Variants in NCALD observed in about 807,000 individuals in gnomAD.
NCALD encodes neurocalcin delta, also known as neurocalcin-delta.
Under a neutral mutation model 18.6 loss-of-function variants are expected in NCALD, and 10 were observed. The ratio of observed to expected loss-of-function variants is 0.54; its 90% CI spans 0.33 to 0.91. NCALD has a LOEUF of 0.91. Ranked by LOEUF, NCALD falls within the 40% of genes least tolerant of loss-of-function variation. The pLI is 0.03. For synonymous variants in NCALD, 88 were observed against 87.4 expected (o/e 1.01, Z -0.04); for missense variants, 184 against 247.6 (o/e 0.74, Z 1.72).
At chr8:102,080,385 C>T (rs1824487470) in intron 1 of NCALD, among the ~76,000 whole-genome samples, 1 of 152,180 alleles carries the variant, frequency 6.6e-6, no homozygotes, top group Non-Finnish European at 1.5e-5. Context: ...CACGGCACAC[C>T]ACATTTTTTC....
chr8:102,071,172 T>A (rs912763390), intron 1 of NCALD, among the ~76,000 whole-genome samples: 1 of 151,988 alleles, frequency 6.6e-6, no homozygotes, highest in Admixed American at 6.6e-5. Context: ...TAACATAACA[T>A]CAGTGTAGGA....
In NCALD at chr8:101,888,550, T is replaced by C. The variant is rs187387639; in HGVS notation, c.-106-1323A>G. Among the ~76,000 whole-genome samples the C allele has an allele frequency of 3.3e-5, 5 of 152,070 alleles. No individual in the cohort carries two copies. The East Asian group carries it at 9.7e-4, about 30-fold the overall frequency. ...CTCCTGCCTCAGCCTCCAGAACAGC[T>C]GGGACTGCAGGGATGCCCCAACATG... On this transcript the variant is annotated intron_variant, in intron 3 of 6. Transcript: ENST00000311028.
At chr8:101,886,766 C>A (rs1287826562) in intron 4 of NCALD, among the ~76,000 whole-genome samples, 4 of 152,130 alleles carry the variant, frequency 2.6e-5, no homozygotes, top group Non-Finnish European at 5.9e-5. Context: ...CTAAATGAGT[C>A]CATTTGGAAA....
intron 2 of NCALD, among the ~76,000 whole-genome samples, chr8:101,709,696 T>TC (rs1375173964): frequency 9.9e-5 from 15 of 152,164 alleles, no homozygotes; most frequent in Non-Finnish European, 2.1e-4. Flanking sequence ...GTTGATCCCT[T>TC]CCTCAGACAC....
chr8:102,103,573 G>A (rs1825356216), intron 1 of NCALD, among the ~76,000 whole-genome samples: 1 of 151,400 alleles, frequency 6.6e-6, no homozygotes, highest in African/African-American at 2.4e-5. Flanking sequence ...TCTTTTTTTT[G>A]AGACATGGTC....
intron 4 of NCALD, among the ~76,000 whole-genome samples, chr8:101,865,948 G>A (rs1303011021): frequency 6.6e-6 from 1 of 152,154 alleles, no homozygotes; most frequent in Non-Finnish European, 1.5e-5. Flanking sequence ...CTCTTCAGAC[G>A]TATTCAAAAG....
chr8:101,881,538 T>C (rs1816494690), intron 4 of NCALD, among the ~76,000 whole-genome samples: 1 of 152,224 alleles, frequency 6.6e-6, no homozygotes, highest in African/African-American at 2.4e-5. Flanking sequence ...ATTGATTTCA[T>C]TAAATGTGCC....
chr8:101,885,336 C>T (rs1391033363), intron 4 of NCALD, among the ~76,000 whole-genome samples: 1 of 152,232 alleles, frequency 6.6e-6, no homozygotes. Flanking sequence ...GCAATTTTTA[C>T]TAAATTGTCT....
chr8:101,958,513 A>G (rs865782790), intron 2 of NCALD, among the ~76,000 whole-genome samples: 1 of 152,112 alleles, frequency 6.6e-6, no homozygotes, highest in African/African-American at 2.4e-5. Context: ...CATTACATAG[A>G]TGTTTTACCT....
chr8:102,091,350 C>G (rs1824918320), intron 1 of NCALD, among the ~76,000 whole-genome samples: 1 of 152,190 alleles, frequency 6.6e-6, no homozygotes, highest in Non-Finnish European at 1.5e-5. Flanking sequence ...TATGGTACAC[C>G]TGTTACTAGA....
intron 1 of NCALD, among the ~76,000 whole-genome samples, chr8:102,049,580 T>C (rs1005302040): frequency 2.0e-5 from 3 of 152,172 alleles, no homozygotes; most frequent in Non-Finnish European, 4.4e-5. Flanking sequence ...CTAGATTATA[T>C]GGTTTGAGTA....
chr8:102,092,764 CA>C (rs1824965780), intron 1 of NCALD, among the ~76,000 whole-genome samples: 2 of 152,198 alleles, frequency 1.3e-5, no homozygotes, highest in South Asian at 2.1e-4. Context: ...ACCTATCCAT[CA>C]AATCCCAACT....
intron 1 of NCALD, among the ~76,000 whole-genome samples, chr8:102,110,941 A>G (rs1413661303): frequency 6.6e-6 from 1 of 152,222 alleles, no homozygotes; most frequent in Non-Finnish European, 1.5e-5. Flanking sequence ...AATAAAAGAT[A>G]AAATGTTTGG....
chr8:101,764,709 A>T (rs1436832574), intron 1 of NCALD, among the ~76,000 whole-genome samples: 1 of 152,208 alleles, frequency 6.6e-6, no homozygotes, highest in African/African-American at 2.4e-5. Flanking sequence ...GCTGCCATTT[A>T]TGGAGCACTT....
chr8:102,088,640 A>G (rs930804637), intron 1 of NCALD, among the ~76,000 whole-genome samples: 10 of 152,162 alleles, frequency 6.6e-5, no homozygotes, highest in African/African-American at 2.2e-4. Flanking sequence ...TTAAAAGTAG[A>G]TAGATCTCTT....
At chr8:101,950,742 G>A (rs763763771) in intron 2 of NCALD, among the ~76,000 whole-genome samples, 2 of 152,192 alleles carry the variant, frequency 1.3e-5, no homozygotes, top group Non-Finnish European at 2.9e-5. Context: ...TGTGTAGCCT[G>A]TTGGTCCAAG....
chr8:101,973,096 C>A (rs566584306), intron 2 of NCALD, among the ~76,000 whole-genome samples: 3 of 151,854 alleles, frequency 2.0e-5, no homozygotes, highest in Non-Finnish European at 4.4e-5. Flanking sequence ...CCAGGGCCAG[C>A]ACTCTAACAA....
chr8:101,751,141 A>G (rs2130773250), intron 1 of NCALD, among the ~76,000 whole-genome samples: 1 of 152,346 alleles, frequency 6.6e-6, no homozygotes, highest in East Asian at 1.9e-4. Context: ...GATACATACA[A>G]TGGAATACTA....
At chr8:101,949,995 G>C (rs117293809) in intron 2 of NCALD, among the ~76,000 whole-genome samples, 6,371 of 152,280 alleles carry the variant, frequency 0.042, 164 homozygotes, top group Middle Eastern at 0.11. Flanking sequence ...GGGGCTCTGA[G>C]CAGCACGTAA....
Sources: gnomAD v4.1 joint callset for allele counts (sites outside exome capture counted in the v4.1 genomes callset) on GRCh38, gnomAD v4.1.1 for gene constraint, MANE v1.5 for transcripts, NCBI Gene and HGNC (gene_info 2026-07-23, HGNC 2026-07-21) for gene names.